The following PGBD1 variants were observed in gnomAD, a reference collection of about 807,000 sequenced individuals.
The protein encoded by PGBD1 is piggyBac transposable element derived 1, also known as piggyBac transposable element-derived protein 1.
A neutral mutation model predicts 34.7 loss-of-function variants in PGBD1; 25 were observed. The ratio of observed to expected loss-of-function variants is 0.72; its 90% confidence interval spans 0.52 to 1.00. The LOEUF is 1.00. PGBD1 is among the 50% of genes least tolerant of loss of function. The pLI is 0.00. For missense variants in PGBD1, 830 were observed against 959.4 expected (o/e 0.87, Z 1.78); for synonymous variants, 292 against 335.7 (o/e 0.87, Z 1.42).
At chr6:28,294,205 A>G (rs1561889069) in intron 4 of PGBD1, among the ~76,000 whole-genome samples, 1 of 152,240 alleles carries the variant, frequency 6.6e-6, no homozygotes, top group Non-Finnish European at 1.5e-5. Context: ...TCCAGAGCAC[A>G]TCTCTTACTC....
At chr6:28,290,329 C>T (rs940346229) in intron 4 of PGBD1, among the ~76,000 whole-genome samples, 2 of 152,156 alleles carry the variant, frequency 1.3e-5, no homozygotes, top group Non-Finnish European at 2.9e-5. Context: ...CTTCTGGCCT[C>T]AAGCAGTCTG....
chr6:28,290,578 T>TA (rs1315239207), intron 4 of PGBD1, among the ~76,000 whole-genome samples: 3 of 152,166 alleles, frequency 2.0e-5, no homozygotes, highest in African/African-American at 7.2e-5. Flanking sequence ...ACGATGGAAT[T>TA]AAACTACATG....
Position 28,282,504 on chromosome 6 carries a change from T to C in PGBD1, c.-39+586T>C, listed in dbSNP as rs12528594. Among the ~76,000 whole-genome samples, 663 of 152,164 alleles carry C rather than the reference T, an allele frequency of 4.4e-3. 21 individuals carry two copies. Among genetic ancestry groups the C allele is most frequent in the Admixed American group, 0.04 (609 of 15,272 alleles). ...ATCCAGTGACCATAGAAGCGGGGAG[T>C]TGGGCAGGAATACCGTAACAGAACA... On this transcript the variant is annotated intron_variant, in intron 1 of 6. Transcript: ENST00000682144.
rs934577494 is a variant in PGBD1 at position 28,284,123 on chromosome 6, G to A, written c.310G>A (p.Val104Met). The change falls in exon 2 of 7, where the codon GTG becomes ATG. Residue 104 changes from valine to methionine, a missense_variant. By Grantham distance (21) the Val-to-Met change is conservative. Around this residue, in one of 3 missense-constraint regions of PGBD1, gnomAD observed 457 missense variants for 515.4 expected, o/e 0.89. Transcript: ENST00000682144. The part of the protein sequence containing the change: ...TILPKELQPC[V>M]KTYPLESGEE... ...CCTGCCCAAGGAGCTCCAGCCCTGT[G>A]TGAAGACATATCCTCTGGAGAGTGG... The A allele has an allele frequency of 1.4e-5, 23 of 1,613,766 alleles. No individual in the cohort carries two copies. The highest frequency in any genetic ancestry group is 1.8e-5 in the Non-Finnish European group (21 of 1,179,844).
chr6:28,281,795 C>G lies in PGBD1; in HGVS notation c.-162C>G, dbSNP rs560746538. ...CCGGTATTCAGTGCCTGGCGCGGTG[C>G]TAGATGCTGGGTGTAATCTCAGAAA... is the stretch of plus-strand genomic sequence containing the variant. On this transcript the variant is annotated 5_prime_UTR_variant, in exon 1 of 7. Coordinates refer to ENST00000682144, the MANE Select transcript of PGBD1 (RefSeq NM_032507.4). 33 of 180,942 alleles carry G rather than the reference C, an allele frequency of 1.8e-4. No homozygotes were observed. Among genetic ancestry groups the G allele is most frequent in the African/African-American group, 6.1e-4 (26 of 42,788 alleles). The allele number at this position is 180,942 out of a possible 1,614,324, so 11.2% of individuals were successfully genotyped here. A position where few individuals can be genotyped will look rare whatever the true frequency, so the allele number is the denominator to read the frequency against.
At position 28,285,630 on chromosome 6, in the gene PGBD1, T is replaced by C; in HGVS notation, c.476T>C (p.Leu159Pro). 1.9e-6 allele frequency: 3 copies of C among 1,614,176 alleles called. No individual in the cohort carries two copies. The highest frequency in any genetic ancestry group is 1.7e-6 in the Non-Finnish European group (2 of 1,180,026). ...YQGVSLECQS[L>P]QLLPGITTLK... is the part of the protein sequence containing the mutation. ...GGAGTCTCTTTGGAGTGTCAGAGCC[T>C]CCAGCTCCTGCCTGGGATAACCACC... The change falls in exon 3 of 7, where the codon CTC (leucine) becomes CCC (proline). Residue 159 changes from leucine to proline, a missense_variant. By Grantham distance (98) the Leu-to-Pro change is moderately conservative (BLOSUM62 -3). Coordinates refer to ENST00000682144, the MANE Select transcript of PGBD1 (RefSeq NM_032507.4).
intron 3 of PGBD1, among the ~76,000 whole-genome samples, chr6:28,286,130 C>T (rs183617762): frequency 5.9e-5 from 9 of 152,204 alleles, no homozygotes; most frequent in Non-Finnish European, 4.4e-5. Context: ...AAAAGTGAAT[C>T]GGGGCAAGGC....
At chr6:28,297,845 T>TC (rs776403181) in intron 5 of PGBD1, 50 bp from the exon 6 acceptor site, 1 of 283,462 alleles carries the variant, frequency 3.5e-6, no homozygotes, top group Non-Finnish European at 6.6e-6. Context: ...TTTTTTTTTT[T>TC]CAAAATTCAC....
intron 4 of PGBD1, among the ~76,000 whole-genome samples, chr6:28,291,155 A>G (rs928329685): frequency 6.6e-6 from 1 of 151,020 alleles, no homozygotes; most frequent in Non-Finnish European, 1.5e-5. Context: ...CAGAAGAACA[A>G]TGAAACAAGA....
At chr6:28,299,996 G>A (rs1762774221) in intron 6 of PGBD1, among the ~76,000 whole-genome samples, 1 of 142,686 alleles carries the variant, frequency 7.0e-6, no homozygotes, top group East Asian at 2.0e-4. Flanking sequence ...GCTAGACTCT[G>A]TCTCAAAAAA....
intron 4 of PGBD1, among the ~76,000 whole-genome samples, chr6:28,292,053 C>T (rs1241102206): frequency 6.6e-6 from 1 of 152,104 alleles, no homozygotes; most frequent in Non-Finnish European, 1.5e-5. Context: ...CACTGTTGTT[C>T]AACATAATAC....
Position 28,297,935 on chromosome 6 carries a change from G to A in PGBD1, c.813G>A (p.Lys271=). ...CTAAAGATAGATTGTTTAAAGCAAA[G>A]CAAGAAACTTCTGAAGAAATGGAAC... ...IVTKDRLFKA[K]QETSEEMEQS... is the part of the protein sequence containing the mutation. Residue 271 remains lysine (K), a synonymous_variant, in exon 6 of 7, where the codon AAG becomes AAA. Coordinates refer to ENST00000682144, the MANE Select transcript of PGBD1 (RefSeq NM_032507.4). The A allele has an allele frequency of 3.3e-6, 5 of 1,537,744 alleles. No homozygotes were observed. Among genetic ancestry groups the A allele is most frequent in the Non-Finnish European group, 3.5e-6 (4 of 1,136,570 alleles).
chr6:28,284,351 A>G (rs968448661), intron 2 of PGBD1, 142 bp downstream of exon 2: 3 of 998,180 alleles, frequency 3.0e-6, no homozygotes, highest in Non-Finnish European at 4.1e-6. Flanking sequence ...TCTTCATCCA[A>G]ATTTGCCAGT....
chr6:28,288,377 A>G (rs1162179023), intron 4 of PGBD1, among the ~76,000 whole-genome samples: 2 of 152,218 alleles, frequency 1.3e-5, no homozygotes, highest in African/African-American at 4.8e-5. Flanking sequence ...TCAAAGTTCT[A>G]CAACCTGGGA....
At chr6:28,298,174 A>G (rs1762717238) in intron 6 of PGBD1, among the ~76,000 whole-genome samples, 183 bp downstream of exon 6, 2 of 152,172 alleles carry the variant, frequency 1.3e-5, no homozygotes, top group African/African-American at 2.4e-5. Context: ...TCAATATGCA[A>G]TAAATATACA....
Position 28,301,712 on chromosome 6 carries a change from T to C in PGBD1, c.1858T>C (p.Tyr620His). 1 of 1,614,192 alleles carries C rather than the reference T, an allele frequency of 6.2e-7. No homozygotes were observed. ...FADVLLERGQYPYHLCFDSFF... is the reference protein window; with the variant it reads ...FADVLLERGQHPYHLCFDSFF... ...TGATGTTCTTTTAGAGAGAGGTCAG[T>C]ATCCCTATCACCTGTGTTTTGATAG... Residue 620 changes from tyrosine (Y) to histidine (H), a missense_variant, in exon 7 of 7, where the codon TAT becomes CAT. By Grantham distance (83) the Tyr-to-His change is moderately conservative. This residue lies in a region of PGBD1 where 372 missense variants were observed against 427.9 expected (regional missense o/e 0.87). Transcript: ENST00000682144.
At chr6:28,298,603 A>G (rs1762729443) in intron 6 of PGBD1, among the ~76,000 whole-genome samples, 1 of 152,200 alleles carries the variant, frequency 6.6e-6, no homozygotes, top group Non-Finnish European at 1.5e-5. Flanking sequence ...AGGGAAAATT[A>G]ACCTGTATTT....
Position 28,283,797 on chromosome 6 carries a change from T to C in PGBD1, c.-17T>C, listed in dbSNP as rs2113740455. 1 of 1,551,814 alleles carries C rather than the reference T, an allele frequency of 6.4e-7. No homozygotes were observed. The highest frequency in any genetic ancestry group is 2.3e-5 in the East Asian group (1 of 44,154). On this transcript the variant is annotated 5_prime_UTR_variant, in exon 2 of 7. Transcript: ENST00000682144. ...ATAGACCCCAAGCTAAGTGAAGCTT[T>C]AGCCTCTAAGCTCAACATGTATGAA...
At position 28,297,895 on chromosome 6, in the gene PGBD1, C is replaced by T; in HGVS notation, c.773C>T (p.Thr258Ile). ...QETVMSLSPM[T>I]EEIVTKDRLF... ...TTAAATCATTAATGTTATATTTTAG[C>T]TGAAGAAATTGTAACTAAAGATAGA... Residue 258 changes from threonine (T) to isoleucine (I), a missense_variant and splice_region_variant, in exon 6 of 7, where the codon ACT (threonine) becomes ATT (isoleucine). Coordinates refer to ENST00000682144, the MANE Select transcript of PGBD1 (RefSeq NM_032507.4). The T allele has an allele frequency of 8.6e-7, 1 of 1,165,234 alleles. No individual in the cohort carries two copies. Among genetic ancestry groups the T allele is most frequent in the Non-Finnish European group, 1.2e-6 (1 of 866,642 alleles). The allele number at this position is 1,165,234 out of a possible 1,614,324, so 72.2% of individuals were successfully genotyped here.
Sources: gnomAD v4.1 joint callset for allele counts (sites outside exome capture counted in the v4.1 genomes callset) on GRCh38, gnomAD v4.1.1 for gene constraint, gnomAD v4.1.1 regional missense constraint, MANE v1.5 for transcripts, NCBI Gene and HGNC (gene_info 2026-07-23, HGNC 2026-07-21) for gene names.